Variants in CACNA2D1 observed in about 807,000 individuals in gnomAD.
CACNA2D1 encodes voltage-dependent calcium channel subunit alpha-2/delta-1.
A neutral mutation model predicts 171.5 loss-of-function variants in CACNA2D1; 53 were observed. That is an observed-to-expected ratio of 0.31 (90% CI 0.25 to 0.39). CACNA2D1 has a LOEUF of 0.39. Among genes scored for constraint, CACNA2D1 ranks in the 10% least tolerant of loss-of-function variants. CACNA2D1 has a pLI of 1.00. For missense variants in CACNA2D1, 903 were observed against 1,299.8 expected (o/e 0.69, Z 4.69); for synonymous variants, 442 against 443.1 (o/e 1.00, Z 0.03).
Position 82,410,353 on chromosome 7 carries a change from A to C in CACNA2D1, c.95+33012T>G, listed in dbSNP as rs575277465. On this transcript the variant is annotated intron_variant, in intron 1 of 38. Transcript: ENST00000356860. ...ATACCTTTTCATCCTTTCCTTATGA[A>C]TCAATCCATCATAGCGGTTTACCTA... 16 of 210,670 alleles carry C rather than the reference A, an allele frequency of 7.6e-5. No homozygotes were observed. The South Asian group carries it at 2.4e-3, about 32-fold the overall frequency. The allele number at this position is 210,670 out of a possible 1,614,324, so 13.1% of individuals were successfully genotyped here.
intron 1 of CACNA2D1, among the ~76,000 whole-genome samples, chr7:82,418,258 CT>C (rs1828378839): frequency 6.6e-6 from 1 of 152,114 alleles, no homozygotes; most frequent in African/African-American, 2.4e-5. Flanking sequence ...AACCAGCCCC[CT>C]GATTCAATTA....
chr7:82,056,641 T>C (rs1044248787), intron 10 of CACNA2D1, among the ~76,000 whole-genome samples: 5 of 152,132 alleles, frequency 3.3e-5, no homozygotes, highest in African/African-American at 9.7e-5. Context: ...AATAGTGTGA[T>C]GCTGAGTCCT....
intron 4 of CACNA2D1, among the ~76,000 whole-genome samples, chr7:82,155,757 G>C (rs1794319389): frequency 1.3e-5 from 2 of 152,142 alleles, no homozygotes; most frequent in Admixed American, 6.6e-5. Flanking sequence ...ATGACAAAGA[G>C]TGAAAAGGTG....
At chr7:82,067,952 T>C (rs1180420468) in intron 7 of CACNA2D1, among the ~76,000 whole-genome samples, 2 of 152,192 alleles carry the variant, frequency 1.3e-5, no homozygotes, top group Admixed American at 1.3e-4. Context: ...CCTATGAAAA[T>C]GGATCTGGGC....
At chr7:82,064,208 T>C (rs1027022877) in intron 9 of CACNA2D1, 96 bp downstream of exon 9, 4 of 775,962 alleles carry the variant, frequency 5.2e-6, no homozygotes, top group East Asian at 2.6e-5. Context: ...GTTTCTTTTT[T>C]AACCTATCAA....
chr7:82,197,470 C>T (rs985361700), intron 3 of CACNA2D1, among the ~76,000 whole-genome samples: 1 of 152,012 alleles, frequency 6.6e-6, no homozygotes, highest in African/African-American at 2.4e-5. Flanking sequence ...CATTATACCA[C>T]AAAAACTAGA....
intron 3 of CACNA2D1, among the ~76,000 whole-genome samples, chr7:82,179,784 G>C (rs913582721): frequency 3.3e-5 from 5 of 151,724 alleles, no homozygotes; most frequent in African/African-American, 1.2e-4. Flanking sequence ...TATTATAAGG[G>C]GTAAGTATGA....
chr7:82,175,872 AGGCTATG>A (rs1796497249), intron 3 of CACNA2D1, among the ~76,000 whole-genome samples: 1 of 152,040 alleles, frequency 6.6e-6, no homozygotes, highest in Non-Finnish European at 1.5e-5. Flanking sequence ...CCCGTAGAAT[AGGCTATG>A]TCAGAACTAT....
intron 9 of CACNA2D1, among the ~76,000 whole-genome samples, chr7:82,063,459 C>G (rs1807202407): frequency 1.3e-5 from 2 of 151,992 alleles, no homozygotes; most frequent in African/African-American, 2.4e-5. Flanking sequence ...AATTGGTTTA[C>G]TTGAGCTTAA....
chr7:82,204,466 G>A (rs1030591436), intron 3 of CACNA2D1, among the ~76,000 whole-genome samples: 4 of 152,136 alleles, frequency 2.6e-5, no homozygotes, highest in Non-Finnish European at 1.5e-5. Flanking sequence ...ACCCTTAAAG[G>A]TAGGGAAATA....
At chr7:82,288,050 C>T (rs1188437756) in intron 3 of CACNA2D1, among the ~76,000 whole-genome samples, 9 of 149,858 alleles carry the variant, frequency 6.0e-5, no homozygotes, top group African/African-American at 1.5e-4. Context: ...CTGTGTTAGC[C>T]GGGATGGACT....
At chr7:82,235,424 G>C (rs1585179230) in intron 3 of CACNA2D1, among the ~76,000 whole-genome samples, 1 of 152,220 alleles carries the variant, frequency 6.6e-6, no homozygotes, top group Middle Eastern at 3.4e-3. Flanking sequence ...TCCCTGATGG[G>C]AGGGGCAGGC....
chr7:82,191,577 C>A (rs968567470), intron 3 of CACNA2D1, among the ~76,000 whole-genome samples: 1 of 151,772 alleles, frequency 6.6e-6, no homozygotes, highest in Non-Finnish European at 1.5e-5. Context: ...TTTCCTTCTA[C>A]TCATTCCTAA....
At chr7:82,369,822 T>C (rs1822167659) in intron 1 of CACNA2D1, among the ~76,000 whole-genome samples, 1 of 152,038 alleles carries the variant, frequency 6.6e-6, no homozygotes, top group Non-Finnish European at 1.5e-5. Flanking sequence ...TTTGAGAAAC[T>C]GAAATCAATT....
intron 4 of CACNA2D1, among the ~76,000 whole-genome samples, chr7:82,168,410 C>T (rs1025894927): frequency 6.6e-6 from 1 of 152,056 alleles, no homozygotes; most frequent in Non-Finnish European, 1.5e-5. Flanking sequence ...TCCCAAAGTG[C>T]TGGGATTACA....
chr7:82,338,910 T>C (rs1818300921), intron 2 of CACNA2D1, among the ~76,000 whole-genome samples: 1 of 151,760 alleles, frequency 6.6e-6, no homozygotes, highest in Admixed American at 6.6e-5. Flanking sequence ...GGCTGAGAGA[T>C]GGAAAGTGGG....
At chr7:82,298,750 G>C (rs989234463) in intron 3 of CACNA2D1, among the ~76,000 whole-genome samples, 6 of 151,984 alleles carry the variant, frequency 3.9e-5, no homozygotes, top group Non-Finnish European at 8.8e-5. Context: ...GCAAGTTTAT[G>C]TACATATAAT....
chr7:82,164,119 A>C (rs1795214231), intron 4 of CACNA2D1, among the ~76,000 whole-genome samples: 1 of 152,106 alleles, frequency 6.6e-6, no homozygotes, highest in East Asian at 1.9e-4. Context: ...ATATATTCAG[A>C]CATGTAAAAG....
intron 6 of CACNA2D1, among the ~76,000 whole-genome samples, chr7:82,092,280 T>G (rs948818835): frequency 6.6e-6 from 1 of 152,218 alleles, no homozygotes; most frequent in African/African-American, 2.4e-5. Flanking sequence ...TCATTTCAAA[T>G]TTAGGAACAT....
Sources: gnomAD v4.1 joint callset for allele counts (sites outside exome capture counted in the v4.1 genomes callset) on GRCh38, gnomAD v4.1.1 for gene constraint, MANE v1.5 for transcripts, NCBI Gene and HGNC (gene_info 2026-07-23, HGNC 2026-07-21) for gene names.